GNG12: variants seen among roughly 807,000 people sequenced by gnomAD.
GNG12 encodes the protein guanine nucleotide-binding protein G(I)/G(S)/G(O) subunit gamma-12.
For missense variants in GNG12, 69 were observed against 83.8 expected, an observed-to-expected ratio of 0.82 and a Z score of 0.69; for synonymous variants, 28 against 29.7, an observed-to-expected ratio of 0.94 and a Z score of 0.19.
At chr1:67,808,173 C>G (rs530518738) in intron 1 of GNG12, among the ~76,000 whole-genome samples, 1 of 152,156 alleles carries the variant, frequency 6.6e-6, no homozygotes, top group South Asian at 2.1e-4. Flanking sequence ...TTAATGGAAT[C>G]CATCCCATCA....
At chr1:67,760,025 G>A (rs1384131526) in intron 2 of GNG12, among the ~76,000 whole-genome samples, 2 of 152,250 alleles carry the variant, frequency 1.3e-5, no homozygotes, top group African/African-American at 4.8e-5. Flanking sequence ...AGCTTTAGCA[G>A]TTGGCGTGGC....
intron 2 of GNG12, among the ~76,000 whole-genome samples, chr1:67,769,810 G>A (rs945805789): frequency 5.3e-5 from 8 of 149,866 alleles, no homozygotes; most frequent in East Asian, 2.0e-4. Context: ...GACAAGGCAC[G>A]CACACACACA....
At chr1:67,716,763 T>C (rs1280427278) in intron 2 of GNG12, among the ~76,000 whole-genome samples, 3 of 152,158 alleles carry the variant, frequency 2.0e-5, no homozygotes, top group Non-Finnish European at 4.4e-5. Context: ...AGACAGGTTA[T>C]CCCCATAGCA....
At chr1:67,797,347 C>T (rs1349533924) in intron 1 of GNG12, among the ~76,000 whole-genome samples, 1 of 152,270 alleles carries the variant, frequency 6.6e-6, no homozygotes, top group Non-Finnish European at 1.5e-5. Context: ...AAGGCAGAGA[C>T]CCCCTGCCCT....
At chr1:67,760,030 C>T (rs548871251) in intron 2 of GNG12, among the ~76,000 whole-genome samples, 144 of 152,324 alleles carry the variant, frequency 9.5e-4, no homozygotes, top group African/African-American at 3.4e-3. Context: ...TAGCAGTTGG[C>T]GTGGCAAGGA....
At chr1:67,773,554 T>C (rs1463208675) in intron 2 of GNG12, among the ~76,000 whole-genome samples, 1 of 152,194 alleles carries the variant, frequency 6.6e-6, no homozygotes, top group East Asian at 1.9e-4. Context: ...TGTTCCAGTA[T>C]AAGAAATGAA....
chr1:67,830,243 G>A lies in GNG12; in HGVS notation c.-77+3101C>T, dbSNP rs138734089. Among the ~76,000 whole-genome samples, 29 of 152,288 alleles carry A rather than the reference G, an allele frequency of 1.9e-4. No homozygotes were observed. The East Asian group carries it at 5.2e-3, about 27-fold the overall frequency. On this transcript the variant is annotated intron_variant, in intron 1 of 3. Coordinates refer to ENST00000370982, the MANE Select transcript of GNG12 (RefSeq NM_018841.6). ...TGGTCTTGAACTCCCGACCTCAGGT[G>A]ATCCGCCCACCTTGGCCTCCCAAAG...
intron 2 of GNG12, among the ~76,000 whole-genome samples, chr1:67,749,956 A>G (rs1646528775): frequency 6.6e-6 from 1 of 152,196 alleles, no homozygotes; most frequent in African/African-American, 2.4e-5. Context: ...AATTTACACA[A>G]AAACACAAAG....
intron 2 of GNG12, among the ~76,000 whole-genome samples, chr1:67,771,013 CAG>C (rs149741254): frequency 0.019 from 2,797 of 148,128 alleles, 37 homozygotes; most frequent in Non-Finnish European, 0.024. Flanking sequence ...GACAGAGATA[CAG>C]AGAGAGAGAG....
chr1:67,748,226 T>C (rs2100721898), intron 2 of GNG12, among the ~76,000 whole-genome samples: 1 of 152,322 alleles, frequency 6.6e-6, no homozygotes, highest in African/African-American at 2.4e-5. Flanking sequence ...GTTTTCTGTT[T>C]GTAATATGCT....
chr1:67,798,838 C>T lies in GNG12; in HGVS notation c.-76-21331G>A, dbSNP rs571165088. On this transcript the variant is annotated intron_variant, in intron 1 of 3. Coordinates refer to ENST00000370982, the MANE Select transcript of GNG12 (RefSeq NM_018841.6). ...GTGTGGTGGCACAAGCCTGTAGTCC[C>T]AGCTACTCGGGAGGCTGAGGCAGAG... 2.1e-4 allele frequency among the ~76,000 whole-genome samples: 32 copies of T among 152,190 alleles called. No homozygotes were observed. In the South Asian group the frequency reaches 6.7e-3, roughly 32 times the overall value.
chr1:67,786,767 C>A (rs977328314), intron 1 of GNG12, among the ~76,000 whole-genome samples: 2 of 151,822 alleles, frequency 1.3e-5, no homozygotes, highest in African/African-American at 4.8e-5. Flanking sequence ...ACTAAAAATA[C>A]AAAAACAACA....
intron 1 of GNG12, among the ~76,000 whole-genome samples, chr1:67,830,239 A>G (rs1010175177): frequency 6.6e-6 from 1 of 152,194 alleles, no homozygotes; most frequent in Admixed American, 6.5e-5. Context: ...TCCCGACCTC[A>G]GGTGATCCGC....
At chr1:67,711,752 T>A (rs1646297010) in intron 2 of GNG12, among the ~76,000 whole-genome samples, 1 of 152,194 alleles carries the variant, frequency 6.6e-6, no homozygotes, top group Non-Finnish European at 1.5e-5. Flanking sequence ...CTACATCTGC[T>A]GTTCCCCAAG....
intron 1 of GNG12, among the ~76,000 whole-genome samples, chr1:67,816,553 C>T (rs543868692): frequency 6.6e-6 from 1 of 152,160 alleles, no homozygotes; most frequent in Non-Finnish European, 1.5e-5. Flanking sequence ...CCAGCTCAAG[C>T]CAGCTGGAGA....
chr1:67,787,614 G>A (rs1338893199), intron 1 of GNG12, among the ~76,000 whole-genome samples: 3 of 152,148 alleles, frequency 2.0e-5, no homozygotes, highest in Non-Finnish European at 4.4e-5. Context: ...TAGACCTCTA[G>A]AGAGAGGGCA....
intron 1 of GNG12, among the ~76,000 whole-genome samples, chr1:67,797,410 C>T (rs1287659129): frequency 6.6e-6 from 1 of 152,134 alleles, no homozygotes; most frequent in African/African-American, 2.4e-5. Flanking sequence ...CACCAAGTAC[C>T]ACACAAGACC....
intron 1 of GNG12, among the ~76,000 whole-genome samples, chr1:67,827,303 T>C (rs538514065): frequency 2.0e-5 from 3 of 152,328 alleles, no homozygotes; most frequent in South Asian, 4.1e-4. Flanking sequence ...CACCCACTTA[T>C]TATACAATCA....
chr1:67,732,739 G>A (rs1354324577), intron 2 of GNG12, among the ~76,000 whole-genome samples: 1 of 152,194 alleles, frequency 6.6e-6, no homozygotes, highest in Non-Finnish European at 1.5e-5. Context: ...ACTTGCCCAA[G>A]GTCCCCCAGG....
Sources: gnomAD v4.1 joint callset for allele counts (sites outside exome capture counted in the v4.1 genomes callset) on GRCh38, gnomAD v4.1.1 for gene constraint, MANE v1.5 for transcripts, NCBI Gene and HGNC (gene_info 2026-07-23, HGNC 2026-07-21) for gene names.